The following DCK variants were observed in gnomAD, a reference collection of about 807,000 sequenced individuals.
DCK encodes deoxycytidine kinase.
Under a neutral mutation model 38.3 loss-of-function variants are expected in DCK, and 23 were observed. That is an observed-to-expected ratio of 0.60 (90% CI 0.43 to 0.85). The LOEUF (loss-of-function observed/expected upper bound fraction) is 0.85. DCK is among the 40% of genes least tolerant of loss of function. The probability of loss-of-function intolerance (pLI) is 0.00; values close to 1 mark genes in which losing one functional copy is unlikely to be tolerated. For missense variants in DCK, 259 were observed against 304.4 expected, an observed-to-expected ratio of 0.85 and a Z score of 1.11; for synonymous variants, 108 against 100.6, an observed-to-expected ratio of 1.07 and a Z score of -0.44.
chr4:71,018,408 G>A (rs1448909022), intron 2 of DCK, among the ~76,000 whole-genome samples: 10 of 152,020 alleles, frequency 6.6e-5, no homozygotes, highest in Admixed American at 2.0e-4. Context: ...GATCACAGGC[G>A]TGAGCCACTG....
intron 2 of DCK, among the ~76,000 whole-genome samples, chr4:71,020,091 A>G (rs1317001714): frequency 3.3e-5 from 5 of 152,164 alleles, no homozygotes; most frequent in Non-Finnish European, 1.5e-5. Flanking sequence ...CCTGCCCTTG[A>G]TATGCCTTTT....
intron 2 of DCK, among the ~76,000 whole-genome samples, chr4:70,998,812 G>A (rs4694360): frequency 0.94 from 142,664 of 151,982 alleles, 67,670 homozygotes; most frequent in Non-Finnish European, 1. Flanking sequence ...AATTCCACCT[G>A]CTTGTAAAGC....
intron 2 of DCK, among the ~76,000 whole-genome samples, chr4:71,003,276 A>G (rs1235779773): frequency 1.3e-5 from 2 of 152,160 alleles, no homozygotes; most frequent in African/African-American, 4.8e-5. Flanking sequence ...AGAATGTTGA[A>G]TGTTAGTCCC....
At chr4:71,021,107 C>T (rs1374093306) in intron 2 of DCK, among the ~76,000 whole-genome samples, 6 of 139,098 alleles carry the variant, frequency 4.3e-5, no homozygotes, top group East Asian at 4.2e-4. Flanking sequence ...CTCGCTCTGT[C>T]GCCCAGGCTG....
intron 2 of DCK, among the ~76,000 whole-genome samples, chr4:70,999,954 T>G (rs1050341895): frequency 1.3e-5 from 2 of 152,246 alleles, no homozygotes; most frequent in African/African-American, 4.8e-5. Context: ...TGCAAAAATT[T>G]TCTCCCATTT....
rs191075863 is a variant in DCK, at chr4:71,003,724, C to G, written c.207+5542C>G. Among the ~76,000 whole-genome samples, 661 of 152,228 alleles carry G rather than the reference C, an allele frequency of 4.3e-3. 6 individuals carry two copies. Among genetic ancestry groups the G allele is most frequent in the African/African-American group, 9.8e-3 (406 of 41,508 alleles). On this transcript the variant is annotated intron_variant, in intron 2 of 6. Coordinates refer to ENST00000286648, the MANE Select transcript of DCK (RefSeq NM_000788.3). The stretch of plus-strand genomic sequence containing the variant: ...TAAGTTTTTCTTCAATCTCTGATAT[C>G]CTTTCTTCCACTTAATCGATTCGGC...
chr4:70,998,223 T>C, intron 2 of DCK, 41 bp downstream of exon 2: 1 of 971,136 alleles, frequency 1.0e-6, no homozygotes. Flanking sequence ...CCTCTTGGTT[T>C]AGAGGAGCAG....
intron 6 of DCK, 134 bp downstream of exon 6, chr4:71,026,889 T>C: frequency 1.9e-6 from 1 of 539,426 alleles, no homozygotes; most frequent in South Asian, 2.7e-5. Context: ...TAGAAGATTT[T>C]GGACTGTTTA....
At chr4:71,029,224 A>G (rs77592672) in intron 6 of DCK, 128 bp from the exon 7 acceptor site, 27,429 of 537,698 alleles carry the variant, frequency 0.051, 902 homozygotes, top group Non-Finnish European at 0.067. Flanking sequence ...AGTAAATGCA[A>G]TGGCATTGTG....
intron 2 of DCK, among the ~76,000 whole-genome samples, chr4:71,010,146 C>T (rs1740047773): frequency 1.4e-5 from 2 of 147,476 alleles, no homozygotes. Flanking sequence ...CACCCATATG[C>T]TTAGCTTTTG....
intron 2 of DCK, among the ~76,000 whole-genome samples, chr4:71,020,248 C>T (rs900569007): frequency 2.0e-5 from 3 of 152,074 alleles, no homozygotes; most frequent in African/African-American, 7.2e-5. Context: ...TCTGTATTTC[C>T]AGTAAATTTA....
intron 2 of DCK, among the ~76,000 whole-genome samples, chr4:71,015,023 G>T (rs886501944): frequency 6.6e-6 from 1 of 152,174 alleles, no homozygotes; most frequent in Non-Finnish European, 1.5e-5. Context: ...TAGACCGCTA[G>T]CAAGACTAAT....
intron 2 of DCK, among the ~76,000 whole-genome samples, chr4:71,006,133 C>CAAAAAAAAAAAAAAAAACA (rs1739933991): frequency 5.8e-5 from 6 of 104,330 alleles, no homozygotes; most frequent in Non-Finnish European, 7.4e-5. Flanking sequence ...ACAAAAACAC[C>CAAAAAAAAAAAAAAAAACA]AAAAAAAAAA....
intron 6 of DCK, among the ~76,000 whole-genome samples, chr4:71,027,830 T>A (rs1338353308): frequency 1.3e-5 from 2 of 152,214 alleles, no homozygotes; most frequent in Non-Finnish European, 2.9e-5. Flanking sequence ...GCATTAAGTA[T>A]TAACAGCCAA....
chr4:70,999,810 A>C (rs1423414407), intron 2 of DCK, among the ~76,000 whole-genome samples: 2 of 151,916 alleles, frequency 1.3e-5, no homozygotes, highest in Non-Finnish European at 2.9e-5. Flanking sequence ...TGGCTGCATA[A>C]ATGTCTTCTT....
At chr4:71,012,596 A>G (rs1470042399) in intron 2 of DCK, among the ~76,000 whole-genome samples, 1 of 152,150 alleles carries the variant, frequency 6.6e-6, no homozygotes, top group East Asian at 1.9e-4. Flanking sequence ...GGCAGCAACA[A>G]TTGCTGTTCA....
intron 2 of DCK, among the ~76,000 whole-genome samples, chr4:71,007,270 T>C (rs1287707858): frequency 6.6e-6 from 1 of 152,250 alleles, no homozygotes; most frequent in Non-Finnish European, 1.5e-5. Context: ...TAAATTTGTT[T>C]ATTTGATTCT....
At chr4:71,022,615 C>CTTTT in intron 3 of DCK, 55 bp downstream of exon 3, 18 of 728,846 alleles carry the variant, frequency 2.5e-5, no homozygotes, top group South Asian at 1.7e-4. Context: ...TAGAACTGGA[C>CTTTT]TTTTTTTTTT....
intron 4 of DCK, 38 bp from the exon 5 acceptor site, chr4:71,025,778 C>T: frequency 6.4e-7 from 1 of 1,558,532 alleles, no homozygotes; most frequent in Non-Finnish European, 8.6e-7. Flanking sequence ...ATAATTGTTC[C>T]CTGCCTTTTT....
Sources: allele counts gnomAD v4.1 joint callset (sites outside exome capture counted in the v4.1 genomes callset), GRCh38; gene constraint gnomAD v4.1.1; transcripts MANE v1.5; gene names NCBI Gene and HGNC (gene_info 2026-07-23, HGNC 2026-07-21).